The following NKAIN3 variants were observed in gnomAD, a reference collection of about 807,000 sequenced individuals.
The protein encoded by NKAIN3 is sodium/potassium transporting ATPase interacting 3.
Under a neutral mutation model 30.2 loss-of-function variants are expected in NKAIN3, and 25 were observed. The ratio of observed to expected loss-of-function variants is 0.83; its 90% CI spans 0.60 to 1.16. The LOEUF (loss-of-function observed/expected upper bound fraction) is 1.16. Among genes scored for constraint, NKAIN3 ranks in the 50% most tolerant of loss-of-function variants. NKAIN3 has a pLI of 0.00. For synonymous variants in NKAIN3, 91 were observed against 89.6 expected (o/e 1.02, Z -0.09); for missense variants, 225 against 254.1 (o/e 0.89, Z 0.78).
intron 3 of NKAIN3, among the ~76,000 whole-genome samples, chr8:62,674,381 A>G (rs755277847): frequency 2.6e-5 from 4 of 152,150 alleles, no homozygotes; most frequent in Non-Finnish European, 4.4e-5. Flanking sequence ...TATAAGATCA[A>G]TGCTATTTTT....
At chr8:62,801,070 T>G (rs60864810) in intron 4 of NKAIN3, among the ~76,000 whole-genome samples, 31,440 of 151,428 alleles carry the variant, frequency 0.21, 3,871 homozygotes, top group African/African-American at 0.33. Context: ...GGGGAGGGGC[T>G]CCCACCATTG....
At chr8:62,549,341 C>T (rs955956227) in intron 1 of NKAIN3, among the ~76,000 whole-genome samples, 4 of 151,896 alleles carry the variant, frequency 2.6e-5, no homozygotes, top group African/African-American at 4.8e-5. Flanking sequence ...TTTGGGGGAT[C>T]GGAGGGGGGC....
At chr8:62,806,152 C>G (rs1328362205) in intron 4 of NKAIN3, among the ~76,000 whole-genome samples, 1 of 152,128 alleles carries the variant, frequency 6.6e-6, no homozygotes, top group Non-Finnish European at 1.5e-5. Flanking sequence ...AGTTAGGAAA[C>G]AACAGGTGCT....
chr8:62,368,984 G>A (rs1349892543), intron 1 of NKAIN3, among the ~76,000 whole-genome samples: 5 of 151,964 alleles, frequency 3.3e-5, no homozygotes, highest in Non-Finnish European at 7.4e-5. Flanking sequence ...ACCAAAGTGA[G>A]CTCACCTAGG....
In NKAIN3 at chr8:62,291,517, G is replaced by A. The variant is rs147881420; in HGVS notation, c.54+42390G>A. 3.4e-3 allele frequency among the ~76,000 whole-genome samples: 512 copies of A among 152,294 alleles called. 1 individual carries two copies. Among genetic ancestry groups the A allele is most frequent in the African/African-American group, 0.012 (478 of 41,540 alleles). On this transcript the variant is annotated intron_variant, in intron 1 of 6. Transcript: ENST00000623646. The stretch of plus-strand genomic sequence containing the variant: ...TGCACCCAGTAGTCATGCAGGAGCA[G>A]GTTGTTCAGTTTCCATGTAGTTTAG...
At chr8:62,933,429 A>T (rs1200428924) in intron 5 of NKAIN3, among the ~76,000 whole-genome samples, 1 of 152,172 alleles carries the variant, frequency 6.6e-6, no homozygotes, top group East Asian at 1.9e-4. Context: ...AAGAATGATT[A>T]AAAAATATAT....
chr8:62,817,641 C>G (rs531422669), intron 4 of NKAIN3, among the ~76,000 whole-genome samples: 1 of 152,070 alleles, frequency 6.6e-6, no homozygotes, highest in South Asian at 2.1e-4. Context: ...GTTCTATCCC[C>G]CCAGAACCTC....
intron 5 of NKAIN3, among the ~76,000 whole-genome samples, chr8:62,920,405 G>A (rs972575402): frequency 5.3e-5 from 8 of 152,136 alleles, no homozygotes; most frequent in Non-Finnish European, 8.8e-5. Flanking sequence ...ATTATGTAGT[G>A]CAATAAATAT....
chr8:62,367,261 G>T (rs1474497848), intron 1 of NKAIN3, among the ~76,000 whole-genome samples: 1 of 152,060 alleles, frequency 6.6e-6, no homozygotes, highest in Non-Finnish European at 1.5e-5. Context: ...GGCAAAGACA[G>T]TGTAAGAAAA....
At chr8:62,714,841 A>G (rs1044661924) in intron 3 of NKAIN3, among the ~76,000 whole-genome samples, 2 of 152,226 alleles carry the variant, frequency 1.3e-5, no homozygotes, top group African/African-American at 4.8e-5. Flanking sequence ...GCAAAACTTT[A>G]TGCTACAAGT....
intron 3 of NKAIN3, among the ~76,000 whole-genome samples, chr8:62,701,838 A>T (rs913842087): frequency 4.6e-5 from 7 of 152,130 alleles, no homozygotes; most frequent in Non-Finnish European, 1.0e-4. Flanking sequence ...TTGCATGGCC[A>T]TTTGGAACTG....
chr8:62,658,778 G>A (rs572670345), intron 3 of NKAIN3, among the ~76,000 whole-genome samples: 108 of 152,274 alleles, frequency 7.1e-4, no homozygotes, highest in South Asian at 6.2e-4. Context: ...ACTTCAGAAA[G>A]TAAAGTATTA....
rs972416379 is a variant in NKAIN3, at chr8:62,969,128, A to T, written c.*3721A>T. On this transcript the variant is annotated 3_prime_UTR_variant, in exon 7 of 7. Coordinates refer to ENST00000623646, the MANE Select transcript of NKAIN3 (RefSeq NM_001304533.3). ...GGTGGTTGGCTCATTTGTTTTGAAG[A>T]TACTCGACACTTTGCCCTAGCAAAA... Among the ~76,000 whole-genome samples the T allele has an allele frequency of 6.6e-6, 1 of 152,200 alleles. No homozygotes were observed. Among genetic ancestry groups the T allele is most frequent in the Non-Finnish European group, 1.5e-5 (1 of 68,024 alleles).
chr8:62,678,701 T>C (rs1167764712), intron 3 of NKAIN3, among the ~76,000 whole-genome samples: 2 of 150,426 alleles, frequency 1.3e-5, no homozygotes, highest in Non-Finnish European at 3.0e-5. Context: ...ATATTGATAA[T>C]ATAATATAAT....
chr8:62,268,420 T>A (rs925875624), intron 1 of NKAIN3, among the ~76,000 whole-genome samples: 3 of 152,180 alleles, frequency 2.0e-5, no homozygotes, highest in African/African-American at 7.2e-5. Flanking sequence ...TCCAGTGTGA[T>A]CTATCCTCTG....
At chr8:62,254,346 G>T (rs913169998) in intron 1 of NKAIN3, among the ~76,000 whole-genome samples, 2 of 152,050 alleles carry the variant, frequency 1.3e-5, no homozygotes, top group African/African-American at 4.8e-5. Context: ...TAAGAATCAT[G>T]AACAATATTG....
chr8:62,872,118 T>C (rs567369839), intron 4 of NKAIN3, among the ~76,000 whole-genome samples: 1 of 152,336 alleles, frequency 6.6e-6, no homozygotes, highest in African/African-American at 2.4e-5. Flanking sequence ...CTGCACATGC[T>C]TGTAGCCTAG....
At chr8:62,254,883 T>C (rs1812216500) in intron 1 of NKAIN3, among the ~76,000 whole-genome samples, 1 of 152,224 alleles carries the variant, frequency 6.6e-6, no homozygotes, top group Non-Finnish European at 1.5e-5. Flanking sequence ...ATTAATACAG[T>C]CAACATGGAT....
At chr8:62,913,684 C>T (rs1197473083) in intron 4 of NKAIN3, among the ~76,000 whole-genome samples, 1 of 152,130 alleles carries the variant, frequency 6.6e-6, no homozygotes, top group African/African-American at 2.4e-5. Context: ...AAAGATAAAA[C>T]TAATTATGGA....
Sources: allele counts gnomAD v4.1 joint callset (sites outside exome capture counted in the v4.1 genomes callset), GRCh38; gene constraint gnomAD v4.1.1; transcripts MANE v1.5; gene names NCBI Gene and HGNC (gene_info 2026-07-23, HGNC 2026-07-21).